Variants in SPTLC3 observed in about 807,000 individuals in gnomAD.
SPTLC3 encodes serine palmitoyltransferase 3.
Under a neutral mutation model 59.3 loss-of-function variants are expected in SPTLC3, and 36 were observed. The ratio of observed to expected loss-of-function variants is 0.61; its 90% CI spans 0.47 to 0.80. The LOEUF (loss-of-function observed/expected upper bound fraction) is 0.80, where lower values mean the gene tolerates loss of function less well. SPTLC3 is among the 30% of genes least tolerant of loss of function. SPTLC3 has a pLI of 0.00. For synonymous variants in SPTLC3, 257 were observed against 240.8 expected (o/e 1.07, Z -0.62); for missense variants, 625 against 685.1 (o/e 0.91, Z 0.98).
chr20:13,020,881 T>C (rs1985846601), intron 1 of SPTLC3, among the ~76,000 whole-genome samples: 1 of 152,290 alleles, frequency 6.6e-6, no homozygotes, highest in African/African-American at 2.4e-5. Context: ...AGATAGCACA[T>C]GTAAGACTCC....
intron 8 of SPTLC3, among the ~76,000 whole-genome samples, chr20:13,124,578 G>A (rs756071198): frequency 2.0e-5 from 3 of 152,102 alleles, no homozygotes; most frequent in Non-Finnish European, 2.9e-5. Context: ...CGGGTGAAAG[G>A]GGGGGATTCA....
intron 9 of SPTLC3, among the ~76,000 whole-genome samples, chr20:13,131,194 A>G (rs1160475691): frequency 3.9e-5 from 6 of 152,218 alleles, no homozygotes; most frequent in African/African-American, 1.2e-4. Context: ...ATATTTTTCA[A>G]GTAATCAATC....
At chr20:13,147,138 C>T (rs1325773371) in intron 9 of SPTLC3, among the ~76,000 whole-genome samples, 7 of 152,162 alleles carry the variant, frequency 4.6e-5, no homozygotes, top group Admixed American at 3.9e-4. Flanking sequence ...CCAGCCTGCT[C>T]CTGCGTGCAT....
At chr20:13,107,950 T>C (rs555329876) in intron 6 of SPTLC3, among the ~76,000 whole-genome samples, 141 of 152,312 alleles carry the variant, frequency 9.3e-4, no homozygotes, top group African/African-American at 3.2e-3. Context: ...ATTTATGTGA[T>C]GTTTTCTTAA....
chr20:13,017,024 C>T (rs769696231), intron 1 of SPTLC3, among the ~76,000 whole-genome samples: 1 of 152,054 alleles, frequency 6.6e-6, no homozygotes, highest in Non-Finnish European at 1.5e-5. Context: ...ATCCTAGAAC[C>T]TAAGTTCTTA....
chr20:13,040,654 AT>A (rs1986939854), intron 1 of SPTLC3, among the ~76,000 whole-genome samples: 1 of 151,130 alleles, frequency 6.6e-6, no homozygotes, highest in South Asian at 2.1e-4. Context: ...CACTTTAATA[AT>A]TTCATAATCA....
rs181855985 is a variant in SPTLC3 at position 13,145,794 on chromosome 20, A to G, written c.1280-8209A>G. Among the ~76,000 whole-genome samples the G allele has an allele frequency of 2.6e-4, 39 of 152,362 alleles. 1 individual carries two copies. Among genetic ancestry groups the G allele is most frequent in the African/African-American group, 7.5e-4 (31 of 41,592 alleles). The stretch of plus-strand genomic sequence containing the variant: ...ATGATACTGGTAAGAAAACAGGCAC[A>G]TAGACCAATGGAACAGAATAGAGTG... On this transcript the variant is annotated intron_variant, in intron 9 of 11. Transcript: ENST00000399002.
chr20:13,072,396 T>C lies in SPTLC3; in HGVS notation c.444T>C (p.Tyr148=). The stretch of plus-strand genomic sequence containing the variant: ...TGATGGAGAGGGTATCAGACGACTA[T>C]AACTGGACGTTTAGGTGAGAGAACT... ...FDLMERVSDD[Y]NWTFRFTGRV... The change falls in exon 3 of 12, where the codon TAT becomes TAC. Residue 148 remains tyrosine (Y), a synonymous_variant. Coordinates refer to ENST00000399002, the MANE Select transcript of SPTLC3 (RefSeq NM_018327.4). The C allele has an allele frequency of 1.3e-6, 2 of 1,594,642 alleles. No individual in the cohort carries two copies. The highest frequency in any genetic ancestry group is 2.3e-5 in the South Asian group (2 of 87,366).
At chr20:13,115,032 G>A (rs1433064299) in intron 7 of SPTLC3, among the ~76,000 whole-genome samples, 3 of 152,178 alleles carry the variant, frequency 2.0e-5, no homozygotes, top group Admixed American at 6.5e-5. Flanking sequence ...ACCTACAGTC[G>A]TGTTTTAGTT....
chr20:13,160,674 G>A (rs1568634647), intron 11 of SPTLC3, among the ~76,000 whole-genome samples: 1 of 152,192 alleles, frequency 6.6e-6, no homozygotes. Context: ...ACTCAGTTTG[G>A]AGTTAATGGG....
intron 1 of SPTLC3, among the ~76,000 whole-genome samples, chr20:13,026,418 G>A (rs183243873): frequency 4.5e-4 from 69 of 152,036 alleles, no homozygotes; most frequent in African/African-American, 7.5e-4. Flanking sequence ...AGTAATACCC[G>A]TACTGACTGG....
chr20:13,087,171 C>A (rs1378184326), intron 4 of SPTLC3, among the ~76,000 whole-genome samples: 1 of 152,156 alleles, frequency 6.6e-6, no homozygotes, highest in Non-Finnish European at 1.5e-5. Context: ...CTTAGACATA[C>A]CCACTTCTCA....
intron 7 of SPTLC3, among the ~76,000 whole-genome samples, chr20:13,115,189 G>A (rs1219111159): frequency 6.6e-6 from 1 of 152,118 alleles, no homozygotes; most frequent in Non-Finnish European, 1.5e-5. Context: ...TTTTATGCAT[G>A]CGCTAGACTC....
At chr20:13,092,283 C>T (rs959429610) in intron 5 of SPTLC3, among the ~76,000 whole-genome samples, 9 of 152,220 alleles carry the variant, frequency 5.9e-5, no homozygotes, top group Non-Finnish European at 1.2e-4. Context: ...CATGTAATGA[C>T]AATCATGCTG....
At chr20:13,055,928 T>A (rs1987703932) in intron 2 of SPTLC3, among the ~76,000 whole-genome samples, 1 of 152,060 alleles carries the variant, frequency 6.6e-6, no homozygotes, top group Non-Finnish European at 1.5e-5. Context: ...TCAAGAGTCA[T>A]CTGAGCTGAG....
intron 9 of SPTLC3, among the ~76,000 whole-genome samples, chr20:13,129,620 C>T (rs564850486): frequency 5.9e-5 from 9 of 152,228 alleles, no homozygotes; most frequent in Non-Finnish European, 1.2e-4. Flanking sequence ...TTTCCGGAGT[C>T]CTTTGGTCTA....
chr20:13,092,124 CA>C (rs1989244124), intron 5 of SPTLC3, among the ~76,000 whole-genome samples: 1 of 152,086 alleles, frequency 6.6e-6, no homozygotes, highest in African/African-American at 2.4e-5. Context: ...GAGAGGAGAA[CA>C]GAATTTTAAC....
intron 1 of SPTLC3, among the ~76,000 whole-genome samples, chr20:13,020,643 C>T (rs1021212508): frequency 6.6e-5 from 10 of 152,070 alleles, no homozygotes; most frequent in African/African-American, 9.7e-5. Context: ...AACTGAACTC[C>T]GCAGAAAGAT....
At chr20:13,057,325 T>C (rs1987770078) in intron 2 of SPTLC3, among the ~76,000 whole-genome samples, 2 of 94,220 alleles carry the variant, frequency 2.1e-5, no homozygotes, top group South Asian at 8.1e-4. Context: ...ATAAAAATTA[T>C]GATTTTTTAA....
Sources: allele counts gnomAD v4.1 joint callset (sites outside exome capture counted in the v4.1 genomes callset), GRCh38; gene constraint gnomAD v4.1.1; transcripts MANE v1.5; gene names NCBI Gene and HGNC (gene_info 2026-07-23, HGNC 2026-07-21).